Variants in SVEP1 observed in about 807,000 individuals in gnomAD.
The protein encoded by SVEP1 is sushi, von Willebrand factor type A, EGF and pentraxin domain-containing protein 1.
SVEP1 carries 164 observed loss-of-function variants against 367.3 expected under a neutral mutation model. The ratio of observed to expected loss-of-function variants is 0.45; its 90% confidence interval spans 0.39 to 0.51. The LOEUF is 0.51. SVEP1 is among the 20% of genes least tolerant of loss of function. The probability of loss-of-function intolerance (pLI) is 0.00; values close to 1 mark genes in which losing one functional copy is unlikely to be tolerated. For synonymous variants in SVEP1, 1,666 were observed against 1,611.6 expected (o/e 1.03, Z -0.81); for missense variants, 4,117 against 4,425.3 (o/e 0.93, Z 1.98).
chr9:110,568,742 T>G (rs758340700), intron 1 of SVEP1, among the ~76,000 whole-genome samples: 2 of 152,172 alleles, frequency 1.3e-5, no homozygotes, highest in Non-Finnish European at 2.9e-5. Flanking sequence ...TCGAATAAAA[T>G]TAGAAGTGTT....
intron 1 of SVEP1, among the ~76,000 whole-genome samples, chr9:110,556,892 G>A (rs1330598417): frequency 6.6e-6 from 1 of 152,164 alleles, no homozygotes; most frequent in Non-Finnish European, 1.5e-5. Flanking sequence ...ATGACTATAT[G>A]ACAGCTATTC....
intron 46 of SVEP1, among the ~76,000 whole-genome samples, chr9:110,374,929 A>T (rs922837945): frequency 1.3e-5 from 2 of 151,500 alleles, no homozygotes; most frequent in African/African-American, 4.9e-5. Context: ...AATCAACCTA[A>T]ATGCTCATCA....
intron 8 of SVEP1, among the ~76,000 whole-genome samples, chr9:110,491,652 T>C (rs1829368784): frequency 6.6e-6 from 1 of 151,416 alleles, no homozygotes. Context: ...CAAATAGTTA[T>C]TTTGCTCCAG....
intron 5 of SVEP1, among the ~76,000 whole-genome samples, chr9:110,508,721 A>C (rs372855042): frequency 3.2e-4 from 44 of 138,978 alleles, no homozygotes; most frequent in African/African-American, 1.0e-3. Context: ...AGATCGTGCC[A>C]CTGCACTCCA....
At chr9:110,512,872 C>A in intron 5 of SVEP1, 54 bp downstream of exon 5, 2 of 1,601,578 alleles carry the variant, frequency 1.2e-6, no homozygotes, top group South Asian at 2.2e-5. Context: ...GAGTTTAAAT[C>A]AAGGAAATCA....
intron 1 of SVEP1, among the ~76,000 whole-genome samples, chr9:110,561,922 A>G (rs976505219): frequency 6.6e-6 from 1 of 152,206 alleles, no homozygotes; most frequent in Non-Finnish European, 1.5e-5. Flanking sequence ...CATTTAGGCT[A>G]TTTATTATAG....
In SVEP1 at chr9:110,411,215, C is replaced by G. The variant is rs1454416948; in HGVS notation, c.6496G>C (p.Ala2166Pro). ...YASGSNYSFGAMVAYSCNKGF... is the reference protein window; with the variant it reads ...YASGSNYSFGPMVAYSCNKGF... The stretch of plus-strand genomic sequence containing the variant: ...TTGTTGCAGCTGTAAGCCACCATGG[C>G]TCCAAAACTGTAGTTTGATCCACTT... Residue 2166 changes from alanine (A) to proline (P), a missense_variant, in exon 37 of 48, where the codon GCC (alanine) becomes CCC (proline). Physicochemically the swap from Ala to Pro is conservative, Grantham distance 27. This residue lies in a region of SVEP1 where 1,765 missense variants were observed against 1,781.1 expected (regional missense o/e 0.99). Transcript: ENST00000374469. The G allele has an allele frequency of 2.5e-6, 4 of 1,613,910 alleles. No homozygotes were observed. The African/African-American group carries it at 4.0e-5, about 16-fold the overall frequency.
chr9:110,493,315 AAG>A (rs1189767319), intron 8 of SVEP1, among the ~76,000 whole-genome samples: 1 of 152,140 alleles, frequency 6.6e-6, no homozygotes, highest in African/African-American at 2.4e-5. Flanking sequence ...CAGCAATACA[AAG>A]AGGGCCACAC....
Position 110,579,326 on chromosome 9 carries a change from C to G in SVEP1, c.218G>C (p.Arg73Pro). 1 of 1,558,614 alleles carries G rather than the reference C, an allele frequency of 6.4e-7. No homozygotes were observed. The highest frequency in any genetic ancestry group is 2.4e-5 in the East Asian group (1 of 41,512). Reference sequence around the variant, plus strand: ...GCGCTCGCTGAGCTCCCGCAGCAGCCGCACGCGTCGCCGGAACGCCTGGCC... The same window carrying G: ...GCGCTCGCTGAGCTCCCGCAGCAGCGGCACGCGTCGCCGGAACGCCTGGCC... ...RLGQAFRRRV[R>P]LLRELSERLE... The change falls in exon 1 of 48, where the codon CGG becomes CCG. Residue 73 changes from arginine to proline, a missense_variant. Arg to Pro is a moderately radical substitution (Grantham distance 103, BLOSUM62 -2). Transcript: ENST00000374469. This position sits in a 1 kb window ranked among gnomAD's most constrained non-coding sequence, Gnocchi z 5.3.
At chr9:110,425,458 A>G (rs1042224227) in intron 36 of SVEP1, among the ~76,000 whole-genome samples, 4 of 152,208 alleles carry the variant, frequency 2.6e-5, no homozygotes, top group Non-Finnish European at 4.4e-5. Context: ...TCCACAGACT[A>G]TGATCTTGCA....
chr9:110,450,341 G>A (rs1828673483), intron 23 of SVEP1, 81 bp from the exon 24 acceptor site: 5 of 1,414,068 alleles, frequency 3.5e-6, no homozygotes, highest in Non-Finnish European at 4.9e-6. Context: ...ACTCCCTGGA[G>A]GATGCTGCTT....
At chr9:110,442,713 T>A (rs1176048998) in intron 27 of SVEP1, 1 of 152,148 alleles carries the variant, frequency 6.6e-6, no homozygotes, top group African/African-American at 2.4e-5. Flanking sequence ...TCCACCCTCC[T>A]CAGCCTTCCA....
chr9:110,466,054 C>T (rs1395979260), intron 17 of SVEP1, 28 bp from the exon 18 acceptor site: 1 of 1,599,788 alleles, frequency 6.3e-7, no homozygotes, highest in Admixed American at 1.7e-5. Context: ...ATATTACTAT[C>T]AATAATGATA....
intron 1 of SVEP1, among the ~76,000 whole-genome samples, chr9:110,567,239 G>A (rs1280097101): frequency 6.6e-6 from 1 of 152,136 alleles, no homozygotes; most frequent in Non-Finnish European, 1.5e-5. Flanking sequence ...AGCAAGCAGA[G>A]GGAAGACAAC....
intron 26 of SVEP1, 85 bp downstream of exon 26, chr9:110,445,752 T>C: frequency 6.8e-7 from 1 of 1,474,514 alleles, no homozygotes; most frequent in Middle Eastern, 1.7e-4. Context: ...GACCCTCTAC[T>C]TTCCCATTTC....
chr9:110,562,401 C>A (rs546142816), intron 1 of SVEP1, among the ~76,000 whole-genome samples: 9 of 151,994 alleles, frequency 5.9e-5, no homozygotes, highest in African/African-American at 2.2e-4. Context: ...AATTCCTATA[C>A]AATATGATCA....
intron 18 of SVEP1, among the ~76,000 whole-genome samples, chr9:110,463,077 T>A (rs1240554809): frequency 6.6e-6 from 1 of 152,010 alleles, no homozygotes; most frequent in Admixed American, 6.6e-5. Context: ...AATAAATAAA[T>A]CAGTTTCCTA....
intron 1 of SVEP1, among the ~76,000 whole-genome samples, chr9:110,570,970 C>T (rs1344394283): frequency 8.7e-6 from 1 of 114,926 alleles, no homozygotes. Context: ...CAGATGGCTC[C>T]TTTTTTTTTT....
At chr9:110,425,719 A>G (rs536642529) in intron 36 of SVEP1, among the ~76,000 whole-genome samples, 6 of 152,330 alleles carry the variant, frequency 3.9e-5, no homozygotes, top group Admixed American at 6.5e-5. Context: ...TCATCTTACT[A>G]TATCTTCTAA....
Sources: allele counts gnomAD v4.1 joint callset (sites outside exome capture counted in the v4.1 genomes callset), GRCh38; gene constraint gnomAD v4.1.1; regional missense constraint gnomAD v4.1.1; non-coding constraint Gnocchi (gnomAD v3.1); transcripts MANE v1.5; gene names NCBI Gene and HGNC (gene_info 2026-07-23, HGNC 2026-07-21).